The following TACR1 variants were observed in gnomAD, a reference collection of about 807,000 sequenced individuals.
TACR1 encodes the protein tachykinin receptor 1.
A neutral mutation model predicts 35.8 loss-of-function variants in TACR1; 25 were observed. The ratio of observed to expected loss-of-function variants is 0.70; its 90% confidence interval spans 0.51 to 0.98. The LOEUF is 0.98. Among genes scored for constraint, TACR1 ranks in the 50% least tolerant of loss-of-function variants. The pLI, the probability that TACR1 is intolerant of heterozygous loss-of-function variation, is 0.00. For synonymous variants in TACR1, 195 were observed against 206.7 expected, an observed-to-expected ratio of 0.94 and a Z score of 0.48; for missense variants, 478 against 522.9, an observed-to-expected ratio of 0.91 and a Z score of 0.84.
intron 2 of TACR1, among the ~76,000 whole-genome samples, chr2:75,063,278 C>T (rs1229005615): frequency 6.6e-6 from 1 of 152,128 alleles, no homozygotes; most frequent in Non-Finnish European, 1.5e-5. Flanking sequence ...GAACTGACTG[C>T]TTGTATAATT....
chr2:75,158,955 A>G (rs1674935372), intron 1 of TACR1, among the ~76,000 whole-genome samples: 1 of 152,150 alleles, frequency 6.6e-6, no homozygotes, highest in South Asian at 2.1e-4. Flanking sequence ...AATTGTACCA[A>G]CTTTGGAAGA....
chr2:75,174,249 G>A (rs940572015), intron 1 of TACR1, among the ~76,000 whole-genome samples: 4 of 152,184 alleles, frequency 2.6e-5, no homozygotes, highest in Non-Finnish European at 4.4e-5. Context: ...CACTTGCTAA[G>A]CATACAACAC....
intron 2 of TACR1, among the ~76,000 whole-genome samples, chr2:75,116,145 C>T (rs986724484): frequency 8.6e-5 from 13 of 152,030 alleles, no homozygotes; most frequent in Non-Finnish European, 1.5e-4. Flanking sequence ...CACTCTGTCA[C>T]CCAGGCTGGA....
intron 1 of TACR1, among the ~76,000 whole-genome samples, chr2:75,136,241 C>T (rs1437614411): frequency 2.0e-5 from 3 of 152,194 alleles, no homozygotes; most frequent in African/African-American, 4.8e-5. Flanking sequence ...TGTGCTGTGG[C>T]TACTTCCTTG....
chr2:75,082,471 C>G (rs1673108475), intron 2 of TACR1, among the ~76,000 whole-genome samples: 1 of 152,168 alleles, frequency 6.6e-6, no homozygotes, highest in Non-Finnish European at 1.5e-5. Context: ...AATGGTATTT[C>G]CAGTTCTAGA....
chr2:75,073,651 G>A (rs966014939), intron 2 of TACR1, among the ~76,000 whole-genome samples: 37 of 152,328 alleles, frequency 2.4e-4, no homozygotes, highest in East Asian at 7.7e-4. Context: ...GCAGGAGGGG[G>A]CAGTGGGTCT....
At chr2:75,086,620 T>C (rs142585266) in intron 2 of TACR1, among the ~76,000 whole-genome samples, 45 of 152,248 alleles carry the variant, frequency 3.0e-4, no homozygotes, top group African/African-American at 1.0e-3. Flanking sequence ...ATTTCAATGG[T>C]CCATATGTGA....
intron 1 of TACR1, among the ~76,000 whole-genome samples, chr2:75,172,522 C>T (rs1399106522): frequency 6.6e-6 from 1 of 152,032 alleles, no homozygotes; most frequent in Non-Finnish European, 1.5e-5. Flanking sequence ...GGCCTGAACA[C>T]ACATCTCAGA....
chr2:75,061,265 A>G (rs1243435049), intron 2 of TACR1, among the ~76,000 whole-genome samples: 2 of 150,822 alleles, frequency 1.3e-5, no homozygotes, highest in Non-Finnish European at 3.0e-5. Flanking sequence ...GAGGGGAGGG[A>G]GGATGAGGGT....
chr2:75,198,493 T>C, intron 1 of TACR1, 53 bp downstream of exon 1: 2 of 1,584,280 alleles, frequency 1.3e-6, no homozygotes, highest in Non-Finnish European at 1.7e-6. Context: ...CTCACAGCAA[T>C]GCCGTGGTCC....
intron 1 of TACR1, among the ~76,000 whole-genome samples, chr2:75,158,070 AATGC>A (rs2103985160): frequency 6.6e-6 from 1 of 152,372 alleles, no homozygotes; most frequent in East Asian, 1.9e-4. Context: ...CTGTGTGAAG[AATGC>A]ATCAAAGATC....
rs1015033228 is a variant in TACR1 at position 75,198,523 on chromosome 2, CT to C, written c.389+22del. On this transcript the variant is annotated intron_variant, in intron 1 of 4. Transcript: ENST00000305249. ...TGGTCCTCTATGAGCACTTTCTCGC[CT>C]TTTCACAAAGGCTAATCTCACCTAT... The C allele has an allele frequency of 3.7e-6, 6 of 1,605,126 alleles. No individual in the cohort carries two copies. The African/African-American group carries it at 5.4e-5, about 14-fold the overall frequency.
chr2:75,157,942 A>G (rs1291523897), intron 1 of TACR1, among the ~76,000 whole-genome samples: 2 of 152,246 alleles, frequency 1.3e-5, no homozygotes, highest in African/African-American at 4.8e-5. Flanking sequence ...AAAGAGCTTT[A>G]GTTTAGAGCC....
intron 2 of TACR1, among the ~76,000 whole-genome samples, chr2:75,095,434 C>A (rs1673403261): frequency 6.6e-6 from 1 of 152,128 alleles, no homozygotes; most frequent in Non-Finnish European, 1.5e-5. Context: ...GACAACCTCA[C>A]AGAAGAGGTG....
chr2:75,087,422 T>C (rs1673210268), intron 2 of TACR1, among the ~76,000 whole-genome samples: 1 of 152,214 alleles, frequency 6.6e-6, no homozygotes, highest in Admixed American at 6.5e-5. Flanking sequence ...AGTGCTTTTC[T>C]CTCTGGAGTG....
At chr2:75,170,386 A>C (rs924149311) in intron 1 of TACR1, among the ~76,000 whole-genome samples, 1 of 152,222 alleles carries the variant, frequency 6.6e-6, no homozygotes, top group East Asian at 1.9e-4. Context: ...ACTGTGAGTC[A>C]ATTAAACCTC....
chr2:75,123,254 G>A (rs1388217260), intron 1 of TACR1, among the ~76,000 whole-genome samples: 3 of 152,232 alleles, frequency 2.0e-5, no homozygotes, highest in Non-Finnish European at 4.4e-5. Context: ...AGGAACTTGA[G>A]GAGGATGCTC....
intron 1 of TACR1, chr2:75,187,359 T>TGGTGACAGATCCC (rs1166632159): frequency 6.6e-6 from 1 of 152,154 alleles, no homozygotes; most frequent in Non-Finnish European, 1.5e-5. Flanking sequence ...TGACAGCTCC[T>TGGTGACAGATCCC]GGTGACAGAT....
intron 2 of TACR1, among the ~76,000 whole-genome samples, chr2:75,075,620 C>A (rs990044074): frequency 3.9e-5 from 6 of 152,002 alleles, no homozygotes; most frequent in Non-Finnish European, 5.9e-5. Context: ...CAGAATAAAT[C>A]AAAATATGTC....
Sources: gnomAD v4.1 joint callset for allele counts (sites outside exome capture counted in the v4.1 genomes callset) on GRCh38, gnomAD v4.1.1 for gene constraint, MANE v1.5 for transcripts, NCBI Gene and HGNC (gene_info 2026-07-23, HGNC 2026-07-21) for gene names.